FAM163B: variants seen among roughly 807,000 people sequenced by gnomAD.
FAM163B encodes protein FAM163B.
FAM163B carries 4 observed loss-of-function variants against 7.6 expected under a neutral mutation model. The ratio of observed to expected loss-of-function variants is 0.52; its 90% CI spans 0.26 to 1.20. The LOEUF is 1.20. Among genes scored for constraint, FAM163B ranks in the 50% most tolerant of loss-of-function variants. The probability of loss-of-function intolerance (pLI) is 0.14; values close to 1 mark genes in which losing one functional copy is unlikely to be tolerated. For synonymous variants in FAM163B, 120 were observed against 111.6 expected (o/e 1.07, Z -0.47); for missense variants, 250 against 243.0 (o/e 1.03, Z -0.19).
At chr9:133,582,399 C>T (rs1455616113) in intron 1 of FAM163B, among the ~76,000 whole-genome samples, 1 of 152,206 alleles carries the variant, frequency 6.6e-6, no homozygotes, top group Non-Finnish European at 1.5e-5. Flanking sequence ...AAACCGAGGC[C>T]TGGAGAGAAA....
Position 133,593,146 on chromosome 9 carries a change from TC to T in FAM163B, c.-23-12901del, listed in dbSNP as rs1042061725. Among the ~76,000 whole-genome samples the T allele has an allele frequency of 3.3e-5, 5 of 152,136 alleles. No homozygotes were observed. In the East Asian group the frequency reaches 5.8e-4, roughly 18 times the overall value. ...GTCATGCTGGGACCTGATGAAGGTT[TC>T]CCCCCCTGTATCGCTGTGCCCATTC... On this transcript the variant is annotated intron_variant, in intron 1 of 2. Transcript: ENST00000673969.
intron 2 of FAM163B, among the ~76,000 whole-genome samples, chr9:133,579,741 G>C (rs1317174262): frequency 1.3e-5 from 2 of 152,230 alleles, no homozygotes; most frequent in Non-Finnish European, 2.9e-5. Context: ...GCAGAGCCGG[G>C]GGTCACAGGC....
intron 1 of FAM163B, among the ~76,000 whole-genome samples, chr9:133,598,403 T>A (rs1831661926): frequency 6.7e-6 from 1 of 150,154 alleles, no homozygotes. Context: ...AAAAGAGAAG[T>A]GCATTTGAAA....
intron 1 of FAM163B, among the ~76,000 whole-genome samples, chr9:133,588,047 C>G (rs779337621): frequency 1.8e-3 from 270 of 152,246 alleles, no homozygotes; most frequent in Non-Finnish European, 3.3e-3. Flanking sequence ...GCTATCTGCC[C>G]AGGAAGCCAG....
chr9:133,577,295 C>G lies in FAM163B; in HGVS notation c.*1727G>C, dbSNP rs1831264856. On this transcript the variant is annotated 3_prime_UTR_variant, in exon 3 of 3. Coordinates refer to ENST00000673969, the MANE Select transcript of FAM163B (RefSeq NM_001080515.3). ...ATCCCCACCCCACCCAGCCCACCCC[C>G]CACGCCAACGCATCAGAAACAGACT... 6.6e-6 allele frequency among the ~76,000 whole-genome samples: 1 copy of G among 151,394 alleles called. No homozygotes were observed. Among genetic ancestry groups the G allele is most frequent in the African/African-American group, 2.4e-5 (1 of 41,148 alleles).
intron 1 of FAM163B, among the ~76,000 whole-genome samples, chr9:133,598,602 A>AGAGG (rs924779273): frequency 9.2e-5 from 12 of 130,586 alleles, no homozygotes; most frequent in East Asian, 5.4e-4. Context: ...CTGGTGGGAG[A>AGAGG]GAGGGAGGGA....
Position 133,580,216 on chromosome 9 carries a change from G to A in FAM163B, c.8C>T (p.Ala3Val). The A allele has an allele frequency of 6.2e-7, 1 of 1,613,376 alleles. No individual in the cohort carries two copies. Residue 3 changes from alanine to valine, a missense_variant, in exon 2 of 3, where the codon GCC becomes GTC. Physicochemically the swap from Ala to Val is moderately conservative, Grantham distance 64. Transcript: ENST00000673969. MT[A>V]GTVVITGGIL... ...GCCCCCGGTGATGACCACGGTCCCGGCTGTCATCCGCCCCCTTCTCCATCA... is the reference window on the plus strand; with the variant it reads ...GCCCCCGGTGATGACCACGGTCCCGACTGTCATCCGCCCCCTTCTCCATCA...
intron 1 of FAM163B, among the ~76,000 whole-genome samples, chr9:133,605,302 G>A (rs1274509408): frequency 1.3e-5 from 2 of 152,196 alleles, no homozygotes; most frequent in East Asian, 1.9e-4. Context: ...CACGAGGGAC[G>A]CATAGCTTGG....
intron 1 of FAM163B, among the ~76,000 whole-genome samples, chr9:133,590,998 C>A (rs1425544947): frequency 2.0e-5 from 3 of 152,230 alleles, no homozygotes; most frequent in Non-Finnish European, 4.4e-5. Context: ...TGGCAGAAAG[C>A]CTCTCTCCTT....
chr9:133,583,343 G>T (rs1213369059), intron 1 of FAM163B, among the ~76,000 whole-genome samples: 1 of 152,176 alleles, frequency 6.6e-6, no homozygotes, highest in African/African-American at 2.4e-5. Flanking sequence ...CCATGGCTGG[G>T]CTGAGGTGCT....
chr9:133,587,540 G>T (rs1831459467), intron 1 of FAM163B, among the ~76,000 whole-genome samples: 1 of 152,204 alleles, frequency 6.6e-6, no homozygotes, highest in Non-Finnish European at 1.5e-5. Context: ...GGGGCTCCCT[G>T]GTCCTCAGGG....
chr9:133,594,471 C>G (rs1831601930), intron 1 of FAM163B, among the ~76,000 whole-genome samples: 1 of 152,076 alleles, frequency 6.6e-6, no homozygotes, highest in Middle Eastern at 3.4e-3. Context: ...ACTGAGATTC[C>G]TGGCCATCTG....
Position 133,604,809 on chromosome 9 carries a change from T to C in FAM163B, c.-24+4268A>G, listed in dbSNP as rs562037553. The stretch of plus-strand genomic sequence containing the variant: ...CCGAACCCCATCTGGAGTAGCACGA[T>C]TTCAGATTGATGTCTATAAGGTAGT... On this transcript the variant is annotated intron_variant, in intron 1 of 2. Transcript: ENST00000673969. Among the ~76,000 whole-genome samples, 29 of 152,208 alleles carry C rather than the reference T, an allele frequency of 1.9e-4. No individual in the cohort carries two copies. The South Asian group carries it at 3.7e-3, about 20-fold the overall frequency.
chr9:133,601,906 T>C lies in FAM163B; in HGVS notation c.-24+7171A>G, dbSNP rs2131261909. Among the ~76,000 whole-genome samples, 1 of 152,216 alleles carries C rather than the reference T, an allele frequency of 6.6e-6. No individual in the cohort carries two copies. The highest frequency in any genetic ancestry group is 3.4e-3 in the Middle Eastern group (1 of 292). ...AGGAGCCTCAGGGAGGAAGGGACTC[T>C]GAGGGTTCGAGAAACAGGCAGTAGC... is the stretch of plus-strand genomic sequence containing the variant. On this transcript the variant is annotated intron_variant, in intron 1 of 2. Coordinates refer to ENST00000673969, the MANE Select transcript of FAM163B (RefSeq NM_001080515.3). The surrounding 1 kb of genome is among the most constrained non-coding windows in gnomAD (Gnocchi z 4.1).
At chr9:133,598,552 G>A (rs1450043955) in intron 1 of FAM163B, among the ~76,000 whole-genome samples, 1 of 143,200 alleles carries the variant, frequency 7.0e-6, no homozygotes, top group Non-Finnish European at 1.5e-5. Context: ...AACAGTTGGG[G>A]CACTTAGATA....
chr9:133,582,395 A>C (rs1384865965), intron 1 of FAM163B, among the ~76,000 whole-genome samples: 1 of 152,184 alleles, frequency 6.6e-6, no homozygotes, highest in Non-Finnish European at 1.5e-5. Flanking sequence ...GAGCAAACCG[A>C]GGCCTGGAGA....
chr9:133,600,148 G>C lies in FAM163B; in HGVS notation c.-24+8929C>G, dbSNP rs938436538. Among the ~76,000 whole-genome samples, 2 of 150,866 alleles carry C rather than the reference G, an allele frequency of 1.3e-5. No individual in the cohort carries two copies. The highest frequency in any genetic ancestry group is 4.9e-5 in the African/African-American group (2 of 40,892). On this transcript the variant is annotated intron_variant, in intron 1 of 2. Coordinates refer to ENST00000673969, the MANE Select transcript of FAM163B (RefSeq NM_001080515.3). This position sits in a 1 kb window ranked among gnomAD's most constrained non-coding sequence, Gnocchi z 4.9. The stretch of plus-strand genomic sequence containing the variant: ...TGTGTGTCTGTGTGCGTGTGTGAAT[G>C]TATGTGTGCATGAGTGTGAGTCTGT...
intron 1 of FAM163B, among the ~76,000 whole-genome samples, chr9:133,582,037 C>G (rs1000212374): frequency 2.6e-5 from 4 of 152,226 alleles, no homozygotes; most frequent in Non-Finnish European, 2.9e-5. Context: ...CCTTTATCAT[C>G]TGTGTGGTTA....
chr9:133,586,025 A>G (rs1260828907), intron 1 of FAM163B: 1 of 152,268 alleles, frequency 6.6e-6, no homozygotes, highest in African/African-American at 2.4e-5. Context: ...AGCAGCCCGC[A>G]GAGTTCCTGT....
Sources: allele counts gnomAD v4.1 joint callset (sites outside exome capture counted in the v4.1 genomes callset), GRCh38; gene constraint gnomAD v4.1.1; non-coding constraint Gnocchi (gnomAD v3.1); transcripts MANE v1.5; gene names NCBI Gene and HGNC (gene_info 2026-07-23, HGNC 2026-07-21).